GIMD1: variants seen among roughly 807,000 people sequenced by gnomAD.
GIMD1 encodes GTPase IMAP family member GIMD1.
In GIMD1, 14 loss-of-function variants were observed where a neutral mutation model predicts 14.9. That is an observed-to-expected ratio of 0.94 (90% CI 0.62 to 1.47). The LOEUF is 1.47. Ranked by LOEUF, GIMD1 falls within the 40% of genes most tolerant of loss-of-function variation. The pLI is 0.00. For synonymous variants in GIMD1, 91 were observed against 90.5 expected (o/e 1.01, Z -0.03); for missense variants, 272 against 255.3 (o/e 1.07, Z -0.44).
At chr4:106,366,959 A>G in intron 2 of GIMD1, 84 bp downstream of exon 2, 1 of 256,070 alleles carries the variant, frequency 3.9e-6, no homozygotes, top group Non-Finnish European at 6.7e-6. Flanking sequence ...TAATAATAAT[A>G]TTATTATTAT....
intron 2 of GIMD1, among the ~76,000 whole-genome samples, chr4:106,362,097 T>C (rs1770621746): frequency 6.6e-6 from 1 of 152,100 alleles, no homozygotes; most frequent in Admixed American, 6.6e-5. Flanking sequence ...GATTTGTAAG[T>C]GCCATGCCAC....
intron 2 of GIMD1, among the ~76,000 whole-genome samples, chr4:106,361,020 C>T (rs1177980557): frequency 6.6e-6 from 1 of 152,096 alleles, no homozygotes; most frequent in South Asian, 2.1e-4. Flanking sequence ...GGGAATACAG[C>T]AATCCCTGGA....
At chr4:106,363,889 G>A (rs886165243) in intron 2 of GIMD1, among the ~76,000 whole-genome samples, 3 of 140,650 alleles carry the variant, frequency 2.1e-5, no homozygotes, top group South Asian at 5.3e-4. Context: ...ATAATGGGGG[G>A]GGGGGGGCGG....
intron 1 of GIMD1, among the ~76,000 whole-genome samples, chr4:106,367,810 AG>A (rs1414899951): frequency 3.3e-5 from 5 of 152,140 alleles, no homozygotes; most frequent in African/African-American, 4.8e-5. Flanking sequence ...TCCTGAGCTC[AG>A]GGGCAAAGCT....
chr4:106,366,206 C>A (rs1056638652), intron 2 of GIMD1, among the ~76,000 whole-genome samples: 2 of 152,140 alleles, frequency 1.3e-5, no homozygotes, highest in Non-Finnish European at 2.9e-5. Flanking sequence ...ACTGATAAGG[C>A]AAGCAAAGAA....
chr4:106,358,320 G>A lies in GIMD1; in HGVS notation c.517C>T (p.Leu173=). ...TATTTGTGCTGAATAGAATTTAGCA[G>A]CGTTTTCAGGGTATCAGAGGCCTCA... ...LHEASDTLKT[L]LNSIQHKYVF... is the part of the protein sequence containing the mutation. Residue 173 remains leucine (L), a synonymous_variant, in exon 3 of 3, where the codon CTG becomes TTG. Transcript: ENST00000638719. The A allele has an allele frequency of 1.3e-6, 2 of 1,534,006 alleles. No homozygotes were observed. The highest frequency in any genetic ancestry group is 1.7e-6 in the Non-Finnish European group (2 of 1,145,620).
At chr4:106,363,433 A>T (rs2125934200) in intron 2 of GIMD1, among the ~76,000 whole-genome samples, 1 of 152,264 alleles carries the variant, frequency 6.6e-6, no homozygotes, top group East Asian at 1.9e-4. Context: ...TATCTTGCCC[A>T]TATCCAGTAG....
At chr4:106,363,792 T>C (rs921878684) in intron 2 of GIMD1, among the ~76,000 whole-genome samples, 1 of 149,620 alleles carries the variant, frequency 6.7e-6, no homozygotes, top group African/African-American at 2.5e-5. Context: ...AACACATTCG[T>C]CTGCAACATC....
intron 2 of GIMD1, among the ~76,000 whole-genome samples, chr4:106,364,284 C>G (rs1229918395): frequency 6.6e-6 from 1 of 152,112 alleles, no homozygotes; most frequent in African/African-American, 2.4e-5. Flanking sequence ...TTCTCTGACT[C>G]TGGCTTGGTA....
Position 106,366,986 on chromosome 4 carries a change from G to A in GIMD1, c.393+57C>T, listed in dbSNP as rs1050827118. 22 of 653,640 alleles carry A rather than the reference G, an allele frequency of 3.4e-5. No homozygotes were observed. The East Asian group carries it at 4.0e-4, about 12-fold the overall frequency. 40.5% of individuals were successfully genotyped at this position (653,640 alleles called of 1,614,324 possible). A position where few individuals can be genotyped will look rare whatever the true frequency, so the allele number is the denominator to read the frequency against. Reference sequence around the variant, plus strand: ...TATTATTATTATTATTATACTATTAGGATAATGTCCTCCAAGAAGTAATAA... The same window carrying A: ...TATTATTATTATTATTATACTATTAAGATAATGTCCTCCAAGAAGTAATAA... On this transcript the variant is annotated intron_variant, in intron 2 of 2. Transcript: ENST00000638719.
Position 106,368,722 on chromosome 4 carries a change from T to C in GIMD1, c.-15A>G, listed in dbSNP as rs1770745036. 2.5e-6 allele frequency: 1 copy of C among 398,380 alleles called. No homozygotes were observed. The highest frequency in any genetic ancestry group is 1.3e-4 in the South Asian group (1 of 7,868). The allele number at this position is 398,380 out of a possible 1,614,324, so 24.7% of individuals were successfully genotyped here. A position where few individuals can be genotyped will look rare whatever the true frequency, so the allele number is the denominator to read the frequency against. Reference sequence around the variant, plus strand: ...ATATTTCGCTTACCTTTTCCAGTCTTGAAAATGCTTTCTCCACAAAGACGT... The same window carrying C: ...ATATTTCGCTTACCTTTTCCAGTCTCGAAAATGCTTTCTCCACAAAGACGT... On this transcript the variant is annotated 5_prime_UTR_variant, in exon 1 of 3. Coordinates refer to ENST00000638719, the MANE Select transcript of GIMD1 (RefSeq NM_001195138.2).
chr4:106,366,062 AG>A (rs2125934731), intron 2 of GIMD1, among the ~76,000 whole-genome samples: 1 of 152,134 alleles, frequency 6.6e-6, no homozygotes, highest in South Asian at 2.1e-4. Flanking sequence ...CCTCCAACTT[AG>A]TGACCTATAA....
At chr4:106,359,193 G>T (rs3018057) in intron 2 of GIMD1, among the ~76,000 whole-genome samples, 4,253 of 151,986 alleles carry the variant, frequency 0.028, 364 homozygotes, top group East Asian at 0.27. Flanking sequence ...GTGGCAAATT[G>T]TTCATGTAAT....
At chr4:106,358,528 T>A in intron 2 of GIMD1, 85 bp from the exon 3 acceptor site, 1 of 963,270 alleles carries the variant, frequency 1.0e-6, no homozygotes, top group Non-Finnish European at 1.5e-6. Flanking sequence ...CCAATATAGA[T>A]AGCCAGCAGA....
Position 106,358,216 on chromosome 4 carries a change from T to A in GIMD1, c.621A>T (p.Lys207Asn). The A allele has an allele frequency of 6.6e-7, 1 of 1,509,468 alleles. No individual in the cohort carries two copies. Among genetic ancestry groups the A allele is most frequent in the African/African-American group, 1.4e-5 (1 of 71,698 alleles). 93.5% of individuals were successfully genotyped at this position (1,509,468 alleles called of 1,614,324 possible). The change falls in exon 3 of 3, where the codon AAA (lysine) becomes AAT (asparagine). Residue 207 changes from lysine (K) to asparagine (N), a missense_variant. Physicochemically the swap from Lys to Asn is moderately conservative, Grantham distance 94. Coordinates refer to ENST00000638719, the MANE Select transcript of GIMD1 (RefSeq NM_001195138.2). Reference sequence around the variant, plus strand: ...ATGTAAGAACTTGGTAACAGTTCTCTTTTATAAATTCCATGATTCTTTCTA... The same window carrying A: ...ATGTAAGAACTTGGTAACAGTTCTCATTTATAAATTCCATGATTCTTTCTA... ...KILERIMEFI[K>N]ENCYQVLTFK
At chr4:106,362,399 C>T (rs1160349588) in intron 2 of GIMD1, among the ~76,000 whole-genome samples, 2 of 151,960 alleles carry the variant, frequency 1.3e-5, no homozygotes, top group African/African-American at 4.8e-5. Flanking sequence ...AATCCAAAAG[C>T]AAGATAAGTT....
At chr4:106,365,390 G>GAT (rs1770682035) in intron 2 of GIMD1, among the ~76,000 whole-genome samples, 1 of 121,612 alleles carries the variant, frequency 8.2e-6, no homozygotes, top group Non-Finnish European at 1.8e-5. Flanking sequence ...CATATGGCTG[G>GAT]GTTTTTTTTT....
intron 2 of GIMD1, among the ~76,000 whole-genome samples, chr4:106,364,532 A>G (rs1255307540): frequency 1.3e-5 from 2 of 152,136 alleles, no homozygotes; most frequent in Non-Finnish European, 1.5e-5. Flanking sequence ...CCAGTATCTG[A>G]GGCACCTTCA....
At chr4:106,360,272 C>T (rs896248506) in intron 2 of GIMD1, among the ~76,000 whole-genome samples, 1 of 151,802 alleles carries the variant, frequency 6.6e-6, no homozygotes, top group Non-Finnish European at 1.5e-5. Context: ...CTATGTACAC[C>T]CACCATAGAA....
Sources: gnomAD v4.1 joint callset for allele counts (sites outside exome capture counted in the v4.1 genomes callset) on GRCh38, gnomAD v4.1.1 for gene constraint, MANE v1.5 for transcripts, NCBI Gene and HGNC (gene_info 2026-07-23, HGNC 2026-07-21) for gene names.